The following FOXN3 variants were observed in gnomAD, a reference collection of about 807,000 sequenced individuals.
FOXN3 encodes the protein forkhead box N3, also known as forkhead box protein N3.
Under a neutral mutation model 38.4 loss-of-function variants are expected in FOXN3, and 7 were observed. The observed-to-expected ratio is 0.18, with a 90% CI of 0.10 to 0.34. The LOEUF is 0.34. Among genes scored for constraint, FOXN3 ranks in the 10% least tolerant of loss-of-function variants. FOXN3 has a pLI of 1.00. For missense variants in FOXN3, 456 were observed against 613.4 expected, an observed-to-expected ratio of 0.74 and a Z score of 2.71; for synonymous variants, 230 against 242.2, an observed-to-expected ratio of 0.95 and a Z score of 0.47.
intron 3 of FOXN3, among the ~76,000 whole-genome samples, chr14:89,288,459 A>G (rs1414583533): frequency 6.6e-6 from 1 of 152,112 alleles, no homozygotes; most frequent in African/African-American, 2.4e-5. Flanking sequence ...CTATCGAGCT[A>G]TTTTATTTTA....
chr14:89,227,027 C>T (rs1168418320), intron 4 of FOXN3, among the ~76,000 whole-genome samples: 1 of 152,200 alleles, frequency 6.6e-6, no homozygotes, highest in Non-Finnish European at 1.5e-5. Flanking sequence ...TTTGTTACGG[C>T]AGCCCTAGCA....
intron 2 of FOXN3, among the ~76,000 whole-genome samples, chr14:89,355,682 A>G (rs1889189858): frequency 6.6e-6 from 1 of 152,274 alleles, no homozygotes; most frequent in Admixed American, 6.5e-5. Flanking sequence ...ATATATCTGC[A>G]GTAACATATA....
At chr14:89,511,541 G>A (rs1372375602) in intron 1 of FOXN3, among the ~76,000 whole-genome samples, 3 of 151,826 alleles carry the variant, frequency 2.0e-5, no homozygotes, top group East Asian at 1.9e-4. Context: ...GCATCCAGCC[G>A]ACCTGCCTGG....
chr14:89,336,062 T>C (rs1022945937), intron 3 of FOXN3, among the ~76,000 whole-genome samples: 1 of 151,960 alleles, frequency 6.6e-6, no homozygotes, highest in South Asian at 2.1e-4. Flanking sequence ...AACGTATAAA[T>C]AATCCCTAAA....
chr14:89,562,223 G>A (rs1428580937), intron 1 of FOXN3, among the ~76,000 whole-genome samples: 3 of 151,952 alleles, frequency 2.0e-5, no homozygotes, highest in Non-Finnish European at 4.4e-5. Flanking sequence ...TCGTCTGCAG[G>A]GTTTTTCCAT....
At chr14:89,566,446 TAA>T (rs58034619) in intron 1 of FOXN3, among the ~76,000 whole-genome samples, 5 of 151,690 alleles carry the variant, frequency 3.3e-5, no homozygotes, top group African/African-American at 1.2e-4. Context: ...ATAATTTTTT[TAA>T]AAAAAAATGC....
At chr14:89,451,525 C>G (rs1431112357) in intron 1 of FOXN3, among the ~76,000 whole-genome samples, 2 of 152,134 alleles carry the variant, frequency 1.3e-5, no homozygotes, top group South Asian at 4.1e-4. Context: ...GATATAATTT[C>G]AGTTCTTCGT....
intron 3 of FOXN3, among the ~76,000 whole-genome samples, chr14:89,284,705 C>T (rs918232477): frequency 6.6e-6 from 1 of 152,178 alleles, no homozygotes; most frequent in Admixed American, 6.5e-5. Flanking sequence ...ATCCCATGAC[C>T]TTCAGCAGTA....
At chr14:89,559,192 GC>G (rs35548555) in intron 1 of FOXN3, among the ~76,000 whole-genome samples, 47,817 of 151,522 alleles carry the variant, frequency 0.32, 8,311 homozygotes, top group East Asian at 0.55. Context: ...TAGTGAGACC[GC>G]CCCCCGCCCA....
Position 89,323,244 on chromosome 14 carries a change from C to T in FOXN3, c.680+27428G>A, listed in dbSNP as rs553625097. 1.6e-4 allele frequency among the ~76,000 whole-genome samples: 23 copies of T among 145,610 alleles called. No individual in the cohort carries two copies. The East Asian group carries it at 2.9e-3, about 18-fold the overall frequency. ...CAGAGGTTGCAGTGAGCTAAGATCA[C>T]GCCACTGTACTCCAGCATGGGCGAC... On this transcript the variant is annotated intron_variant, in intron 3 of 5. Coordinates refer to ENST00000557258, the MANE Select transcript of FOXN3 (RefSeq NM_005197.4).
At chr14:89,289,210 AAAAG>A (rs375733075) in intron 3 of FOXN3, among the ~76,000 whole-genome samples, 33 of 131,558 alleles carry the variant, frequency 2.5e-4, no homozygotes, top group African/African-American at 5.3e-4. Flanking sequence ...AAAGAAAAAG[AAAAG>A]AAAAGAAAAA....
intron 1 of FOXN3, among the ~76,000 whole-genome samples, chr14:89,476,385 C>T (rs1893209801): frequency 6.6e-6 from 1 of 152,216 alleles, no homozygotes; most frequent in Admixed American, 6.5e-5. Context: ...GATGCCCCTG[C>T]TCGGACCCCC....
At chr14:89,306,412 G>C (rs1887377837) in intron 3 of FOXN3, among the ~76,000 whole-genome samples, 1 of 151,572 alleles carries the variant, frequency 6.6e-6, no homozygotes, top group African/African-American at 2.4e-5. Context: ...CTGTTGCCCA[G>C]GCTGGAGTAC....
At chr14:89,333,982 A>G (rs1457558712) in intron 3 of FOXN3, among the ~76,000 whole-genome samples, 359 of 10,038 alleles carry the variant, frequency 0.036, 3 homozygotes, top group African/African-American at 0.054. Flanking sequence ...ATATATATAT[A>G]TATATATATA....
intron 1 of FOXN3, among the ~76,000 whole-genome samples, chr14:89,498,573 G>A (rs1303146385): frequency 6.6e-6 from 1 of 152,138 alleles, no homozygotes; most frequent in Non-Finnish European, 1.5e-5. Flanking sequence ...AACTGAAAGT[G>A]AATTTCATCA....
chr14:89,222,723 G>A, intron 4 of FOXN3, among the ~76,000 whole-genome samples: 1 of 151,910 alleles, frequency 6.6e-6, no homozygotes, highest in East Asian at 1.9e-4. Context: ...AAAACTACCT[G>A]GGATGACACA....
intron 2 of FOXN3, among the ~76,000 whole-genome samples, chr14:89,377,877 C>T (rs1890530064): frequency 6.6e-6 from 1 of 152,184 alleles, no homozygotes; most frequent in Non-Finnish European, 1.5e-5. Flanking sequence ...ACCCCTAATC[C>T]ACTATGACTG....
At chr14:89,355,914 A>C (rs1566964798) in intron 2 of FOXN3, among the ~76,000 whole-genome samples, 1 of 152,082 alleles carries the variant, frequency 6.6e-6, no homozygotes, top group Non-Finnish European at 1.5e-5. Context: ...GTGCCTAAAG[A>C]ACGGGGATAA....
intron 1 of FOXN3, among the ~76,000 whole-genome samples, chr14:89,589,724 T>G: frequency 2.6e-4 from 1 of 3,780 alleles, no homozygotes. Context: ...TGAGAATGAA[T>G]TGGGGGCGGG....
Sources: allele counts gnomAD v4.1 joint callset (sites outside exome capture counted in the v4.1 genomes callset), GRCh38; gene constraint gnomAD v4.1.1; transcripts MANE v1.5; gene names NCBI Gene and HGNC (gene_info 2026-07-23, HGNC 2026-07-21).